The following LUC7L3 variants were observed in gnomAD, a reference collection of about 807,000 sequenced individuals.
LUC7L3 encodes luc7-like protein 3.
A neutral mutation model predicts 66.8 loss-of-function variants in LUC7L3; 6 were observed. The observed-to-expected ratio is 0.09, with a 90% CI of 0.05 to 0.18. The LOEUF (loss-of-function observed/expected upper bound fraction) is 0.18. Among genes scored for constraint, LUC7L3 ranks in the 10% least tolerant of loss-of-function variants. The probability of loss-of-function intolerance (pLI) is 1.00; values close to 1 mark genes in which losing one functional copy is unlikely to be tolerated. For synonymous variants in LUC7L3, 160 were observed against 174.7 expected, an observed-to-expected ratio of 0.92 and a Z score of 0.66; for missense variants, 341 against 531.1, an observed-to-expected ratio of 0.64 and a Z score of 3.52.
chr17:50,745,736 G>T lies in LUC7L3; in HGVS notation c.710G>T (p.Arg237Ile). 6.4e-7 allele frequency: 1 copy of T among 1,574,516 alleles called. No individual in the cohort carries two copies. Among genetic ancestry groups the T allele is most frequent in the East Asian group, 2.2e-5 (1 of 44,684 alleles). The change falls in exon 8 of 10, where the codon AGA (arginine) becomes ATA (isoleucine). Residue 237 changes from arginine (R) to isoleucine (I), a missense_variant. Physicochemically the swap from Arg to Ile is moderately conservative, Grantham distance 97. Around this residue, in one of 6 missense-constraint regions of LUC7L3, gnomAD observed 17 missense variants for 48.2 expected, o/e 0.35. Coordinates refer to ENST00000505658, the MANE Select transcript of LUC7L3 (RefSeq NM_016424.5). ...VEELKEKLRK[R>I]TEEPDRDERL... ...TTTTTCTAGGAAAAGTTAAGGAAAA[G>T]AACCGAAGAACCTGATCGTGATGAG...
intron 9 of LUC7L3, among the ~76,000 whole-genome samples, chr17:50,749,500 T>C (rs922436234): frequency 6.6e-6 from 1 of 152,214 alleles, no homozygotes; most frequent in African/African-American, 2.4e-5. Flanking sequence ...GTTCTCTGAG[T>C]GGGTGCCCCT....
chr17:50,746,826 C>A, intron 9 of LUC7L3, 124 bp downstream of exon 9: 1 of 730,094 alleles, frequency 1.4e-6, no homozygotes, highest in South Asian at 2.4e-5. Flanking sequence ...TGAGGAATGC[C>A]ATTCAGTAGG....
chr17:50,740,290 A>T lies in LUC7L3; in HGVS notation c.167-16A>T. On this transcript the variant is annotated splice_polypyrimidine_tract_variant and intron_variant, in intron 2 of 9. Transcript: ENST00000505658. ...ATAATCACAGATAATTTATACAATTATATTTTTTCCCCCAGGTCCGTGTGA... is the reference window on the plus strand; with the variant it reads ...ATAATCACAGATAATTTATACAATTTTATTTTTTCCCCCAGGTCCGTGTGA... 1.3e-6 allele frequency: 2 copies of T among 1,579,410 alleles called. No homozygotes were observed. The highest frequency in any genetic ancestry group is 1.7e-6 in the Non-Finnish European group (2 of 1,158,502).
chr17:50,728,855 G>A (rs1483000585), intron 1 of LUC7L3, among the ~76,000 whole-genome samples: 2 of 152,008 alleles, frequency 1.3e-5, no homozygotes, highest in African/African-American at 4.8e-5. Context: ...CAGCTGGCTT[G>A]TGTTCCTTTT....
intron 9 of LUC7L3, among the ~76,000 whole-genome samples, chr17:50,749,721 A>G (rs569425746): frequency 6.6e-6 from 1 of 152,158 alleles, no homozygotes; most frequent in Non-Finnish European, 1.5e-5. Flanking sequence ...TTCTGTAGAA[A>G]TTTTTTGTTG....
intron 1 of LUC7L3, chr17:50,723,507 A>G (rs375455802): frequency 6.6e-5 from 10 of 152,412 alleles, no homozygotes; most frequent in East Asian, 3.8e-4. Flanking sequence ...AAAAATTGAA[A>G]GCAAAAAACT....
At chr17:50,748,202 G>T (rs1248392271) in intron 9 of LUC7L3, among the ~76,000 whole-genome samples, 1 of 152,202 alleles carries the variant, frequency 6.6e-6, no homozygotes, top group African/African-American at 2.4e-5. Flanking sequence ...AGTAGTAAAT[G>T]ACACTGGCCT....
At chr17:50,730,699 G>T (rs113669900) in intron 1 of LUC7L3, among the ~76,000 whole-genome samples, 1 of 152,162 alleles carries the variant, frequency 6.6e-6, no homozygotes, top group Non-Finnish European at 1.5e-5. Context: ...CCAGCACTTT[G>T]GGAGGCTGAG....
rs1971109517 is a variant in LUC7L3, at chr17:50,756,204, GA to G, written c.*5545del. On this transcript the variant is annotated 3_prime_UTR_variant, in exon 10 of 10. Transcript: ENST00000505658. ...GATATTTCTTAATAAAATTTAAAAAGAAGAATGGGAAAAAAGTCTTGGTGTA... is the reference window on the plus strand; with the variant it reads ...GATATTTCTTAATAAAATTTAAAAAGAGAATGGGAAAAAAGTCTTGGTGTA... 1 of 145,890 alleles carries G rather than the reference GA, an allele frequency of 6.9e-6. No individual in the cohort carries two copies. Among genetic ancestry groups the G allele is most frequent in the African/African-American group, 2.6e-5 (1 of 38,596 alleles). The allele number at this position is 145,890 out of a possible 1,614,324, so 9.0% of individuals were successfully genotyped here.
intron 5 of LUC7L3, among the ~76,000 whole-genome samples, chr17:50,742,533 A>AT (rs1187249627): frequency 6.6e-6 from 1 of 151,992 alleles, no homozygotes; most frequent in African/African-American, 2.4e-5. Context: ...TGATTGTTGT[A>AT]TTTTTAATAG....
At chr17:50,749,587 CTATG>C (rs1462311024) in intron 9 of LUC7L3, among the ~76,000 whole-genome samples, 1 of 152,174 alleles carries the variant, frequency 6.6e-6, no homozygotes, top group Non-Finnish European at 1.5e-5. Flanking sequence ...TGTGCAGAAA[CTATG>C]TAGAGGGTTC....
intron 2 of LUC7L3, among the ~76,000 whole-genome samples, chr17:50,738,859 C>G (rs1338448793): frequency 6.6e-6 from 1 of 151,872 alleles, no homozygotes; most frequent in Non-Finnish European, 1.5e-5. Context: ...GAAAAAGATC[C>G]ATACCTAGGC....
At chr17:50,746,133 C>T (rs972250592) in intron 8 of LUC7L3, 130 bp downstream of exon 8, 41 of 1,331,932 alleles carry the variant, frequency 3.1e-5, no homozygotes, top group South Asian at 4.2e-5. Context: ...GGATGGGTTG[C>T]GAGAGCGGAA....
At chr17:50,728,666 G>A (rs1969362159) in intron 1 of LUC7L3, among the ~76,000 whole-genome samples, 1 of 152,164 alleles carries the variant, frequency 6.6e-6, no homozygotes, top group African/African-American at 2.4e-5. Context: ...CGATGCTCGT[G>A]CCTCAGTCTC....
chr17:50,741,837 C>T (rs1398391622), intron 5 of LUC7L3, 106 bp downstream of exon 5: 2 of 825,130 alleles, frequency 2.4e-6, no homozygotes, highest in Non-Finnish European at 3.9e-6. Context: ...ATAATCCCAG[C>T]ACTTTGGGAG....
At chr17:50,749,556 T>G (rs1446067656) in intron 9 of LUC7L3, among the ~76,000 whole-genome samples, 1 of 152,226 alleles carries the variant, frequency 6.6e-6, no homozygotes, top group Non-Finnish European at 1.5e-5. Flanking sequence ...TCCTAGATAT[T>G]TGGTGTTACG....
At position 50,719,840 on chromosome 17, in the gene LUC7L3, C is replaced by A; in HGVS notation, c.99+9C>A. 6.9e-7 allele frequency: 1 copy of A among 1,454,756 alleles called. No homozygotes were observed. The highest frequency in any genetic ancestry group is 1.2e-5 in the South Asian group (1 of 85,044). The allele number at this position is 1,454,756 out of a possible 1,614,324, so 90.1% of individuals were successfully genotyped here. On this transcript the variant is annotated intron_variant, in intron 1 of 9. Transcript: ENST00000505658. ...GGTGGGACCACGAGAGCGTAAGTCC[C>A]GCGGGCCTTGGCCTGAGCCCGGGCT...
chr17:50,750,745 A>G lies in LUC7L3; in HGVS notation c.*84A>G, dbSNP rs752911161. The G allele has an allele frequency of 1.1e-5, 18 of 1,610,528 alleles. No homozygotes were observed. The highest frequency in any genetic ancestry group is 1.3e-5 in the African/African-American group (1 of 74,874). ...TTAGGGCTTTTTGTTACTGTTTGAC[A>G]GTGCAGCGTAAGTATGCACAGATGA... On this transcript the variant is annotated 3_prime_UTR_variant, in exon 10 of 10. Transcript: ENST00000505658.
chr17:50,739,504 A>C (rs570261351), intron 2 of LUC7L3, among the ~76,000 whole-genome samples: 148 of 152,268 alleles, frequency 9.7e-4, no homozygotes, highest in African/African-American at 3.4e-3. Flanking sequence ...ATACAAAAAA[A>C]TTACGCAGGC....
Sources: allele counts gnomAD v4.1 joint callset (sites outside exome capture counted in the v4.1 genomes callset), GRCh38; gene constraint gnomAD v4.1.1; regional missense constraint gnomAD v4.1.1; transcripts MANE v1.5; gene names NCBI Gene and HGNC (gene_info 2026-07-23, HGNC 2026-07-21).